The following OGFR variants were observed in gnomAD, a reference collection of about 807,000 sequenced individuals.
The protein encoded by OGFR is opioid growth factor receptor.
A neutral mutation model predicts 33.6 loss-of-function variants in OGFR; 18 were observed. The ratio of observed to expected loss-of-function variants is 0.54; its 90% CI spans 0.37 to 0.80. The LOEUF is 0.80. Among genes scored for constraint, OGFR ranks in the 30% least tolerant of loss-of-function variants. The pLI is 0.00. For synonymous variants in OGFR, 370 were observed against 400.7 expected (o/e 0.92, Z 0.91); for missense variants, 877 against 955.8 (o/e 0.92, Z 1.09).
At chr20:62,809,358 C>G (rs370006098) in intron 3 of OGFR, among the ~76,000 whole-genome samples, 17 of 152,358 alleles carry the variant, frequency 1.1e-4, no homozygotes, top group African/African-American at 4.1e-4. Context: ...CAGCCAGCAA[C>G]AAGGGTCCAG....
Position 62,811,626 on chromosome 20 carries a change from T to TTCCCCCCCCCCCCCC in OGFR, c.614+16_614+17insTCCCCCCCCCCCCCC. On this transcript the variant is annotated intron_variant, in intron 6 of 6. Coordinates refer to ENST00000290291, the MANE Select transcript of OGFR (RefSeq NM_007346.4). ...ACCTGAACTGGTGAGGCCCGGCTGC[T>TTCCCCCCCCCCCCCC]CCCGCCCACCCCCACCCCGGCGCAG... 1.3e-6 allele frequency: 2 copies of TTCCCCCCCCCCCCCC among 1,502,538 alleles called. No individual in the cohort carries two copies. Among genetic ancestry groups the TTCCCCCCCCCCCCCC allele is most frequent in the Non-Finnish European group, 1.8e-6 (2 of 1,110,130 alleles). The allele number at this position is 1,502,538 out of a possible 1,614,324, so 93.1% of individuals were successfully genotyped here.
At chr20:62,808,378 G>T in intron 3 of OGFR, 53 bp downstream of exon 3, 1 of 1,390,606 alleles carries the variant, frequency 7.2e-7, no homozygotes, top group South Asian at 1.2e-5. Flanking sequence ...GCCTGGCAGG[G>T]GTGGTCCACT....
Position 62,813,754 on chromosome 20 carries a change from G to A in OGFR, c.*105G>A. On this transcript the variant is annotated 3_prime_UTR_variant, in exon 7 of 7. Transcript: ENST00000290291. ...CCTCAGGCTCTGCTTCGTGACCCGT[G>A]ACCCATGACCCACAGTGCTGGCCTC... The A allele has an allele frequency of 7.4e-7, 1 of 1,348,768 alleles. No homozygotes were observed. The highest frequency in any genetic ancestry group is 1.0e-6 in the Non-Finnish European group (1 of 954,016). 83.6% of individuals were successfully genotyped at this position (1,348,768 alleles called of 1,614,324 possible).
chr20:62,807,743 G>A, intron 2 of OGFR, 138 bp downstream of exon 2: 3 of 807,448 alleles, frequency 3.7e-6, no homozygotes, highest in East Asian at 2.7e-5. Flanking sequence ...CCCTGCCTGG[G>A]GCACAGCCTG....
At chr20:62,809,524 C>T (rs918307287) in intron 3 of OGFR, 61 bp from the exon 4 acceptor site, 129 of 1,305,310 alleles carry the variant, frequency 9.9e-5, no homozygotes, top group Admixed American at 2.5e-4. Flanking sequence ...ACCCACACCC[C>T]GTCCTCCTGA....
Position 62,813,075 on chromosome 20 carries a change from C to T in OGFR, c.1460C>T (p.Pro487Leu), listed in dbSNP as rs146914327. 23 of 1,579,040 alleles carry T rather than the reference C, an allele frequency of 1.5e-5. No homozygotes were observed. The highest frequency in any genetic ancestry group is 2.0e-5 in the Non-Finnish European group (23 of 1,162,470). ...QTLALAGSPA[P>L]SGHPKAGHSE... is the part of the protein sequence containing the mutation. Reference sequence around the variant, plus strand: ...TTGGCCCTTGCCGGGTCCCCTGCCCCATCGGGGCACCCCAAGGCTGGACAC... The same window carrying T: ...TTGGCCCTTGCCGGGTCCCCTGCCCTATCGGGGCACCCCAAGGCTGGACAC... Residue 487 changes from proline (P) to leucine (L), a missense_variant, in exon 7 of 7, where the codon CCA becomes CTA. Pro to Leu is a moderately conservative substitution (Grantham distance 98, BLOSUM62 -3). This residue lies in a region of OGFR where 760 missense variants were observed against 736.0 expected (regional missense o/e 1.03). Coordinates refer to ENST00000290291, the MANE Select transcript of OGFR (RefSeq NM_007346.4).
At position 62,812,717 on chromosome 20, in the gene OGFR, G is replaced by A; in HGVS notation, c.1102G>A (p.Gly368Ser). Residue 368 changes from glycine to serine, a missense_variant, in exon 7 of 7, where the codon GGC (glycine) becomes AGC (serine). Gly to Ser is a moderately conservative substitution (Grantham distance 56). This residue lies in a region of OGFR where 760 missense variants were observed against 736.0 expected (regional missense o/e 1.03). Transcript: ENST00000290291. ...GAGGAGCCAGGGGGATGAGGCAGGGGGCCACGGGGAAGATAGGCCGGAGCC... is the reference window on the plus strand; with the variant it reads ...GAGGAGCCAGGGGGATGAGGCAGGGAGCCACGGGGAAGATAGGCCGGAGCC... ...LERSQGDEAG[G>S]HGEDRPEPLS... 2 of 1,591,584 alleles carry A rather than the reference G, an allele frequency of 1.3e-6. No individual in the cohort carries two copies. The highest frequency in any genetic ancestry group is 1.3e-5 in the African/African-American group (1 of 74,542).
rs1385309172 is a variant in OGFR, at chr20:62,813,078, C to T, written c.1463C>T (p.Ser488Leu). ...TLALAGSPAPSGHPKAGHSEN... is the reference protein window; with the variant it reads ...TLALAGSPAPLGHPKAGHSEN... The stretch of plus-strand genomic sequence containing the variant: ...GCCCTTGCCGGGTCCCCTGCCCCAT[C>T]GGGGCACCCCAAGGCTGGACACAGT... Residue 488 changes from serine (S) to leucine (L), a missense_variant, in exon 7 of 7, where the codon TCG becomes TTG. By Grantham distance (145) the Ser-to-Leu change is moderately radical. This residue lies in a region of OGFR where 760 missense variants were observed against 736.0 expected (regional missense o/e 1.03). Transcript: ENST00000290291. 16 of 1,578,672 alleles carry T rather than the reference C, an allele frequency of 1.0e-5. No homozygotes were observed. The highest frequency in any genetic ancestry group is 2.7e-5 in the African/African-American group (2 of 74,192).
chr20:62,811,481 A>C lies in OGFR; in HGVS notation c.485A>C (p.Glu162Ala). 1.2e-6 allele frequency: 2 copies of C among 1,611,710 alleles called. No individual in the cohort carries two copies. The highest frequency in any genetic ancestry group is 2.2e-5 in the South Asian group (2 of 90,612). ...REVEVFKSSQ[E>A]IQERLVRAYE... ...TTCCAGGTGTTTAAAAGCTCCCAGGAGATCCAGGAGCGGCTTGTCCGGGCC... is the reference window on the plus strand; with the variant it reads ...TTCCAGGTGTTTAAAAGCTCCCAGGCGATCCAGGAGCGGCTTGTCCGGGCC... Residue 162 changes from glutamate to alanine, a missense_variant, in exon 6 of 7, where the codon GAG (glutamate) becomes GCG (alanine). Physicochemically the swap from Glu to Ala is moderately radical, Grantham distance 107. Around this residue, in one of 3 missense-constraint regions of OGFR, gnomAD observed 760 missense variants for 736.0 expected, o/e 1.03. Transcript: ENST00000290291.
chr20:62,808,582 T>C (rs569039656), intron 3 of OGFR, among the ~76,000 whole-genome samples: 1 of 152,220 alleles, frequency 6.6e-6, no homozygotes, highest in East Asian at 1.9e-4. Context: ...GGCCACACAG[T>C]CTCTATCAAA....
In OGFR at chr20:62,813,430, C is replaced by A. The variant is rs573300306; in HGVS notation, c.1815C>A (p.Arg605=). 6.6e-6 allele frequency: 10 copies of A among 1,519,880 alleles called. 2 individuals are homozygous for A. The South Asian group carries it at 1.2e-4, about 18-fold the overall frequency. The allele number at this position is 1,519,880 out of a possible 1,614,324, so 94.1% of individuals were successfully genotyped here. ...GCCCATCGGAGACCCCAGGCCCCCG[C>A]CCGGCAGGACCTGCAGGGGACGAGC... ...AESPSETPGP[R]PAGPAGDEPA... Residue 605 remains arginine, a synonymous_variant, in exon 7 of 7, where the codon CGC becomes CGA. Transcript: ENST00000290291.
chr20:62,812,952 C>T lies in OGFR; in HGVS notation c.1337C>T (p.Pro446Leu). Reference protein sequence around the residue: ...PGEAVQPCRQPLGARVADKVR... With the variant: ...PGEAVQPCRQLLGARVADKVR... The stretch of plus-strand genomic sequence containing the variant: ...GAGGCAGTGCAGCCCTGCCGCCAAC[C>T]CCTGGGAGCCAGGGTGGCCGACAAG... Residue 446 changes from proline (P) to leucine (L), a missense_variant, in exon 7 of 7, where the codon CCC (proline) becomes CTC (leucine). Coordinates refer to ENST00000290291, the MANE Select transcript of OGFR (RefSeq NM_007346.4). The T allele has an allele frequency of 1.2e-6, 2 of 1,612,288 alleles. No homozygotes were observed. Among genetic ancestry groups the T allele is most frequent in the South Asian group, 1.1e-5 (1 of 91,074 alleles).
Position 62,812,964 on chromosome 20 carries a change from G to C in OGFR, c.1349G>C (p.Arg450Thr). ...CCCTGCCGCCAACCCCTGGGAGCCA[G>C]GGTGGCCGACAAGGTGAGGAAGCGG... The part of the protein sequence containing the change: ...VQPCRQPLGA[R>T]VADKVRKRRK... Residue 450 changes from arginine to threonine, a missense_variant, in exon 7 of 7, where the codon AGG (arginine) becomes ACG (threonine). Coordinates refer to ENST00000290291, the MANE Select transcript of OGFR (RefSeq NM_007346.4). The C allele has an allele frequency of 6.2e-7, 1 of 1,612,368 alleles. No homozygotes were observed. The highest frequency in any genetic ancestry group is 1.3e-5 in the African/African-American group (1 of 75,032).
chr20:62,812,658 G>T lies in OGFR; in HGVS notation c.1043G>T (p.Arg348Leu), dbSNP rs1200076900. ...AGGGTGGACGAGGGGCCCCAGCCACGGAGCGTGGAGCCCCAGGATGCGGGA... is the reference window on the plus strand; with the variant it reads ...AGGGTGGACGAGGGGCCCCAGCCACTGAGCGTGGAGCCCCAGGATGCGGGA... ...GGRVDEGPQP[R>L]SVEPQDAGPL... Residue 348 changes from arginine (R) to leucine (L), a missense_variant, in exon 7 of 7, where the codon CGG (arginine) becomes CTG (leucine). By Grantham distance (102) the Arg-to-Leu change is moderately radical. This residue lies in a region of OGFR where 760 missense variants were observed against 736.0 expected (regional missense o/e 1.03). Coordinates refer to ENST00000290291, the MANE Select transcript of OGFR (RefSeq NM_007346.4). 3.2e-6 allele frequency: 5 copies of T among 1,563,582 alleles called. No homozygotes were observed. The highest frequency in any genetic ancestry group is 1.9e-5 in the Admixed American group (1 of 51,718).
At chr20:62,807,077 C>T (rs1039279755) in intron 1 of OGFR, 5 of 174,532 alleles carry the variant, frequency 2.9e-5, no homozygotes, top group African/African-American at 9.5e-5. Flanking sequence ...AGGCCACTGC[C>T]CCCAAGAACA....
chr20:62,813,760 T>TGACCCAC lies in OGFR; in HGVS notation c.*112_*118dup, dbSNP rs761574238. ...GCTCTGCTTCGTGACCCGTGACCCA[T>TGACCCAC]GACCCACAGTGCTGGCCTCCTGTGG... On this transcript the variant is annotated 3_prime_UTR_variant, in exon 7 of 7. Coordinates refer to ENST00000290291, the MANE Select transcript of OGFR (RefSeq NM_007346.4). 3 of 1,300,946 alleles carry TGACCCAC rather than the reference T, an allele frequency of 2.3e-6. No individual in the cohort carries two copies. Among genetic ancestry groups the TGACCCAC allele is most frequent in the Non-Finnish European group, 2.2e-6 (2 of 912,728 alleles). 80.6% of individuals were successfully genotyped at this position (1,300,946 alleles called of 1,614,324 possible). A position where few individuals can be genotyped will look rare whatever the true frequency, so the allele number is the denominator to read the frequency against.
chr20:62,807,646 C>A, intron 2 of OGFR, 41 bp downstream of exon 2: 1 of 1,584,884 alleles, frequency 6.3e-7, no homozygotes. Flanking sequence ...AACCCTCCCG[C>A]CAGCTGCTCT....
rs763715109 is a variant in OGFR, at chr20:62,813,705, G to A, written c.*56G>A. ...TCCTGTCCCTGCTGCAGGGGCTGGGGCCTCCGGAGCTGCTGCGGGCTCCCC... is the reference window on the plus strand; with the variant it reads ...TCCTGTCCCTGCTGCAGGGGCTGGGACCTCCGGAGCTGCTGCGGGCTCCCC... On this transcript the variant is annotated 3_prime_UTR_variant, in exon 7 of 7. Transcript: ENST00000290291. The A allele has an allele frequency of 1.9e-6, 3 of 1,587,984 alleles. No individual in the cohort carries two copies. Among genetic ancestry groups the A allele is most frequent in the Non-Finnish European group, 1.7e-6 (2 of 1,159,530 alleles).
intron 3 of OGFR, among the ~76,000 whole-genome samples, chr20:62,809,087 T>G (rs1178247526): frequency 6.6e-6 from 1 of 152,106 alleles, no homozygotes; most frequent in African/African-American, 2.4e-5. Context: ...CCACACCTGT[T>G]TATGCACGTG....
Sources: gnomAD v4.1 joint callset for allele counts (sites outside exome capture counted in the v4.1 genomes callset) on GRCh38, gnomAD v4.1.1 for gene constraint, gnomAD v4.1.1 regional missense constraint, MANE v1.5 for transcripts, NCBI Gene and HGNC (gene_info 2026-07-23, HGNC 2026-07-21) for gene names.